CLOCK: variants seen among roughly 807,000 people sequenced by gnomAD.
CLOCK encodes clock circadian regulator.
A neutral mutation model predicts 118.4 loss-of-function variants in CLOCK; 43 were observed. The ratio of observed to expected loss-of-function variants is 0.36; its 90% CI spans 0.28 to 0.47. CLOCK has a LOEUF of 0.47. CLOCK is among the 20% of genes least tolerant of loss of function. CLOCK has a pLI of 1.00. For synonymous variants in CLOCK, 326 were observed against 339.2 expected (o/e 0.96, Z 0.43); for missense variants, 846 against 999.9 (o/e 0.85, Z 2.08).
At chr4:55,447,721 CTATCA>C (rs1334434159) in intron 18 of CLOCK, among the ~76,000 whole-genome samples, 4 of 152,202 alleles carry the variant, frequency 2.6e-5, no homozygotes, top group Non-Finnish European at 5.9e-5. Flanking sequence ...TATGTATCTC[CTATCA>C]TATATGTATG....
chr4:55,476,591 A>G (rs1726526439), intron 6 of CLOCK, among the ~76,000 whole-genome samples: 2 of 152,158 alleles, frequency 1.3e-5, no homozygotes, highest in African/African-American at 4.8e-5. Flanking sequence ...TTAATATTTT[A>G]TGCAAAAACT....
At position 55,438,364 on chromosome 4, in the gene CLOCK, T is replaced by C; in HGVS notation, c.2279A>G (p.Gln760Arg). The C allele has an allele frequency of 6.5e-7, 1 of 1,546,972 alleles. No individual in the cohort carries two copies. Among genetic ancestry groups the C allele is most frequent in the Non-Finnish European group, 8.9e-7 (1 of 1,129,036 alleles). The change falls in exon 22 of 23, where the codon CAG becomes CGG. Residue 760 changes from glutamine to arginine, a missense_variant. By Grantham distance (43) the Gln-to-Arg change is conservative. Around this residue, in one of 4 missense-constraint regions of CLOCK, gnomAD observed 520 missense variants for 558.0 expected, o/e 0.93. Transcript: ENST00000513440. ...AGTGAGCTGCTGCTCCTGGGAGCTCTGCTGCTGCTGCTGCTGCGTTACTGA... is the reference window on the plus strand; with the variant it reads ...AGTGAGCTGCTGCTCCTGGGAGCTCCGCTGCTGCTGCTGCTGCGTTACTGA... ...TLSVTQQQQQ[Q>R]SSQEQQLTSV...
At chr4:55,512,591 T>C (rs143614821) in intron 1 of CLOCK, among the ~76,000 whole-genome samples, 2 of 152,262 alleles carry the variant, frequency 1.3e-5, no homozygotes, top group African/African-American at 4.8e-5. Context: ...AATTTAATTT[T>C]TTCTAACACG....
intron 21 of CLOCK, among the ~76,000 whole-genome samples, chr4:55,439,386 A>C (rs2109656157): frequency 6.6e-6 from 1 of 152,292 alleles, no homozygotes; most frequent in African/African-American, 2.4e-5. Context: ...GTTGGCAAGC[A>C]AGTAGAGAAA....
At chr4:55,532,574 A>C (rs570550017) in intron 1 of CLOCK, among the ~76,000 whole-genome samples, 3 of 152,320 alleles carry the variant, frequency 2.0e-5, no homozygotes, top group East Asian at 3.9e-4. Flanking sequence ...CTATAGTATC[A>C]AAAGAGGAAA....
chr4:55,460,633 T>C (rs1228664766), intron 9 of CLOCK, among the ~76,000 whole-genome samples: 1 of 152,234 alleles, frequency 6.6e-6, no homozygotes, highest in East Asian at 1.9e-4. Context: ...GTATTCATTA[T>C]GCCTCCACAT....
At chr4:55,501,880 G>A (rs6825671) in intron 2 of CLOCK, among the ~76,000 whole-genome samples, 1 of 151,872 alleles carries the variant, frequency 6.6e-6, no homozygotes, top group Admixed American at 6.6e-5. Flanking sequence ...CCACTCTTTC[G>A]GATTATTTGA....
chr4:55,482,169 G>A (rs2109909824), intron 4 of CLOCK, among the ~76,000 whole-genome samples: 1 of 152,230 alleles, frequency 6.6e-6, no homozygotes, highest in Non-Finnish European at 1.5e-5. Flanking sequence ...GTGTCGCTGA[G>A]GTTTGGTGTA....
At position 55,433,496 on chromosome 4, in the gene CLOCK, C is replaced by G. The variant is rs894298449; in HGVS notation, c.*1919G>C. On this transcript the variant is annotated 3_prime_UTR_variant, in exon 23 of 23. Transcript: ENST00000513440. ...GTCTTAAGAACTGGCTTAGCATTCC[C>G]CTGACCTCTTTACCTAGCAATTCTG... 4.0e-4 allele frequency: 61 copies of G among 152,192 alleles called. No individual in the cohort carries two copies. Among genetic ancestry groups the G allele is most frequent in the African/African-American group, 1.4e-3 (59 of 41,428 alleles). The allele number at this position is 152,192 out of a possible 1,614,324, so 9.4% of individuals were successfully genotyped here.
In CLOCK at chr4:55,455,940, A is replaced by T. The variant is rs1724891624; in HGVS notation, c.939T>A (p.Tyr313Ter). Reference sequence around the variant, plus strand: ...CCAAATTTTCTAGGTCATCCACATGATAGTAATCATAGCCTGATGTTCCCA... The same window carrying T: ...CCAAATTTTCTAGGTCATCCACATGTTAGTAATCATAGCCTGATGTTCCCA... ...EVLGTSGYDY[Y>*]HVDDLENLAK... Residue 313 changes from tyrosine (Y) to a stop codon, truncating the protein, a stop_gained, in exon 13 of 23, where the codon TAT becomes TAA. Transcript: ENST00000513440. LOFTEE classifies it high-confidence loss of function. The T allele has an allele frequency of 1.2e-6, 2 of 1,613,764 alleles. No homozygotes were observed. Among genetic ancestry groups the T allele is most frequent in the Non-Finnish European group, 1.7e-6 (2 of 1,179,806 alleles).
At chr4:55,462,243 C>T (rs1188813075) in intron 9 of CLOCK, among the ~76,000 whole-genome samples, 4 of 151,094 alleles carry the variant, frequency 2.6e-5, no homozygotes, top group South Asian at 2.2e-4. Flanking sequence ...TCAAAGCAAA[C>T]GCCTTCTCCT....
Position 55,428,038 on chromosome 4 carries a change from ATTTT to A in CLOCK, c.*7373_*7376del, listed in dbSNP as rs1578249109. The A allele has an allele frequency of 6.6e-6, 1 of 152,188 alleles. No individual in the cohort carries two copies. The highest frequency in any genetic ancestry group is 2.4e-5 in the African/African-American group (1 of 41,450). 9.4% of individuals were successfully genotyped at this position (152,188 alleles called of 1,614,324 possible). On this transcript the variant is annotated 3_prime_UTR_variant, in exon 23 of 23. Transcript: ENST00000513440. ...TAACTGAAAAACATAGCACTGAGGTATTTTTTATTTTTAAAATTGAAGGAAACAA... is the reference window on the plus strand; with the variant it reads ...TAACTGAAAAACATAGCACTGAGGTATTATTTTTAAAATTGAAGGAAACAA...
At chr4:55,528,503 A>G (rs1730343605) in intron 1 of CLOCK, among the ~76,000 whole-genome samples, 1 of 152,198 alleles carries the variant, frequency 6.6e-6, no homozygotes, top group African/African-American at 2.4e-5. Context: ...CCCTCCATGC[A>G]GAAAGTCTGT....
At chr4:55,491,457 TAAGAG>T (rs903319650) in intron 2 of CLOCK, among the ~76,000 whole-genome samples, 6 of 151,264 alleles carry the variant, frequency 4.0e-5, no homozygotes, top group East Asian at 3.9e-4. Flanking sequence ...ACACTAGGAA[TAAGAG>T]AAGACTCAAA....
chr4:55,453,488 T>C (rs1008457154), intron 14 of CLOCK, 189 bp downstream of exon 14: 4 of 511,516 alleles, frequency 7.8e-6, no homozygotes, highest in Non-Finnish European at 1.4e-5. Context: ...TCAAGACTTA[T>C]ATATCTATAT....
chr4:55,456,081 G>T (rs1189564551), intron 12 of CLOCK, 78 bp from the exon 13 acceptor site: 8 of 1,280,504 alleles, frequency 6.2e-6, no homozygotes, highest in Non-Finnish European at 8.9e-6. Context: ...AAACTTTGGG[G>T]GGGGGGCTTT....
At chr4:55,450,932 AGT>A (rs755401902) in intron 15 of CLOCK, among the ~76,000 whole-genome samples, 1 of 151,982 alleles carries the variant, frequency 6.6e-6, no homozygotes, top group Non-Finnish European at 1.5e-5. Context: ...CAGGAGCTAG[AGT>A]TTCATAGTTT....
In CLOCK at chr4:55,445,582, C is replaced by CTTTTT. The variant is rs56157186; in HGVS notation, c.1540-802_1540-798dup. ...TCTCTGCATCTGCTATTTCTATATT[C>CTTTTT]TTTTTTTTTTTTTTTTTTTTTTTTT... On this transcript the variant is annotated intron_variant, in intron 18 of 22. Transcript: ENST00000513440. Among the ~76,000 whole-genome samples, 8 of 68,592 alleles carry CTTTTT rather than the reference C, an allele frequency of 1.2e-4. 2 individuals are homozygous for CTTTTT. Among genetic ancestry groups the CTTTTT allele is most frequent in the Admixed American group, 4.1e-4 (2 of 4,856 alleles). 45.0% of individuals were successfully genotyped at this position (68,592 alleles called of 152,430 possible).
rs1553900254 is a variant in CLOCK, at chr4:55,503,978, T to TAAAAGA, written c.-136+5933_-136+5934insTCTTTT. Among the ~76,000 whole-genome samples the TAAAAGA allele has an allele frequency of 7.0e-3, 497 of 70,820 alleles. 1 individual carries two copies. The highest frequency in any genetic ancestry group is 0.054 in the Middle Eastern group (3 of 56). The allele number at this position is 70,820 out of a possible 152,430, so 46.5% of individuals were successfully genotyped here. A position where few individuals can be genotyped will look rare whatever the true frequency, so the allele number is the denominator to read the frequency against. On this transcript the variant is annotated intron_variant, in intron 2 of 22. Coordinates refer to ENST00000513440, the MANE Select transcript of CLOCK (RefSeq NM_004898.4). ...ACAGTTTCTATTTGGCAAAAAGAGG[T>TAAAAGA]AAAAAAAAAAAAAAAAAAAAAAAAA... is the stretch of plus-strand genomic sequence containing the variant.
Sources: allele counts gnomAD v4.1 joint callset (sites outside exome capture counted in the v4.1 genomes callset), GRCh38; gene constraint gnomAD v4.1.1; regional missense constraint gnomAD v4.1.1; transcripts MANE v1.5; gene names NCBI Gene and HGNC (gene_info 2026-07-23, HGNC 2026-07-21).